The following THSD7A variants were observed in gnomAD, a reference collection of about 807,000 sequenced individuals.
The protein encoded by THSD7A is thrombospondin type 1 domain containing 7A.
Under a neutral mutation model 231.3 loss-of-function variants are expected in THSD7A, and 96 were observed. The ratio of observed to expected loss-of-function variants is 0.41; its 90% CI spans 0.35 to 0.49. The LOEUF (loss-of-function observed/expected upper bound fraction) is 0.49, where lower values mean the gene tolerates loss of function less well. Among genes scored for constraint, THSD7A ranks in the 20% least tolerant of loss-of-function variants. The pLI, the probability that THSD7A is intolerant of heterozygous loss-of-function variation, is 0.05. For missense variants in THSD7A, 2,290 were observed against 2,070.2 expected (o/e 1.11, Z -2.06); for synonymous variants, 940 against 743.3 (o/e 1.26, Z -4.30).
At position 11,417,553 on chromosome 7, in the gene THSD7A, A is replaced by G. The variant is rs1028321158; in HGVS notation, c.3434T>C (p.Leu1145Pro). Residue 1145 changes from leucine (L) to proline (P), a missense_variant, in exon 17 of 28, where the codon CTC becomes CCC. By Grantham distance (98) the Leu-to-Pro change is moderately conservative. Transcript: ENST00000423059. ...CAGGGGCATCTCTTCTGGGTCACAG[A>G]GGTAATCCTCTACATGTTCAGAAGG... Reference protein sequence around the residue: ...DGPSEHVEDYLCDPEEMPLGS... With the variant: ...DGPSEHVEDYPCDPEEMPLGS... 21 of 1,613,792 alleles carry G rather than the reference A, an allele frequency of 1.3e-5. No individual in the cohort carries two copies. The highest frequency in any genetic ancestry group is 1.8e-5 in the Non-Finnish European group (21 of 1,179,786).
chr7:11,564,317 G>C (rs1311238714), intron 4 of THSD7A, among the ~76,000 whole-genome samples: 1 of 152,226 alleles, frequency 6.6e-6, no homozygotes, highest in Non-Finnish European at 1.5e-5. Flanking sequence ...TGTTGTAACA[G>C]ATAGGGACAG....
intron 1 of THSD7A, among the ~76,000 whole-genome samples, chr7:11,797,216 G>A (rs1328560557): frequency 6.6e-6 from 1 of 151,904 alleles, no homozygotes. Flanking sequence ...ACAAAAGTTT[G>A]CTTTCAAATT....
chr7:11,730,467 G>A (rs570932336), intron 1 of THSD7A, among the ~76,000 whole-genome samples: 6 of 151,350 alleles, frequency 4.0e-5, no homozygotes, highest in African/African-American at 7.2e-5. Flanking sequence ...CAGTTAAAGC[G>A]TTATTTACGT....
chr7:11,792,993 G>A (rs4719286), intron 1 of THSD7A, among the ~76,000 whole-genome samples: 127,420 of 151,908 alleles, frequency 0.84, 53,969 homozygotes, highest in African/African-American at 0.96. Context: ...CATTATACCT[G>A]TGGATAAATT....
At chr7:11,445,929 T>C in intron 13 of THSD7A, 132 bp downstream of exon 13, 1 of 1,097,984 alleles carries the variant, frequency 9.1e-7, no homozygotes, top group Non-Finnish European at 1.3e-6. Flanking sequence ...GATATATGTA[T>C]AGTGTGGTGC....
chr7:11,682,793 A>G (rs1460825601), intron 1 of THSD7A, among the ~76,000 whole-genome samples: 1 of 151,950 alleles, frequency 6.6e-6, no homozygotes, highest in Non-Finnish European at 1.5e-5. Context: ...ACTCACAACC[A>G]CAGAATATAC....
chr7:11,816,631 G>C (rs1423668126), intron 1 of THSD7A, among the ~76,000 whole-genome samples: 1 of 152,096 alleles, frequency 6.6e-6, no homozygotes, highest in African/African-American at 2.4e-5. Context: ...AGTAATGCAA[G>C]GACTTTTATA....
At chr7:11,541,679 G>T (rs763633203) in intron 5 of THSD7A, 48 bp from the exon 6 acceptor site, 2 of 1,541,594 alleles carry the variant, frequency 1.3e-6, no homozygotes, top group East Asian at 4.5e-5. Flanking sequence ...CAAAGGTTTA[G>T]TATTTCAGAA....
intron 1 of THSD7A, among the ~76,000 whole-genome samples, chr7:11,795,308 T>C (rs1474270881): frequency 1.3e-5 from 2 of 151,828 alleles, no homozygotes; most frequent in Non-Finnish European, 2.9e-5. Flanking sequence ...AAAATAATAT[T>C]AAAATATAAA....
At chr7:11,605,859 G>T (rs1464252221) in intron 2 of THSD7A, among the ~76,000 whole-genome samples, 1 of 152,050 alleles carries the variant, frequency 6.6e-6, no homozygotes, top group Non-Finnish European at 1.5e-5. Flanking sequence ...TGTTGCTGCT[G>T]GCACACACTG....
intron 23 of THSD7A, among the ~76,000 whole-genome samples, chr7:11,398,390 GT>G (rs1022724371): frequency 6.6e-6 from 1 of 152,032 alleles, no homozygotes; most frequent in African/African-American, 2.4e-5. Flanking sequence ...CTGTCGAGGG[GT>G]AGGGGCTAGG....
At chr7:11,412,287 A>G (rs1233120435) in intron 18 of THSD7A, among the ~76,000 whole-genome samples, 14 of 152,302 alleles carry the variant, frequency 9.2e-5, no homozygotes, top group African/African-American at 3.4e-4. Flanking sequence ...TTGCCCCAGT[A>G]TGTTTTAGCA....
intron 1 of THSD7A, among the ~76,000 whole-genome samples, chr7:11,710,213 C>G (rs558599729): frequency 6.7e-6 from 1 of 149,208 alleles, no homozygotes; most frequent in South Asian, 2.1e-4. Context: ...GCTTGTGGGC[C>G]AGGGAAAAAG....
At chr7:11,767,769 C>G (rs1044561890) in intron 1 of THSD7A, among the ~76,000 whole-genome samples, 1 of 152,044 alleles carries the variant, frequency 6.6e-6, no homozygotes, top group Non-Finnish European at 1.5e-5. Context: ...CTCCTTGTAG[C>G]CAGAAAATGA....
In THSD7A at chr7:11,636,111, AC is replaced by A; in HGVS notation, c.1022+18del. The stretch of plus-strand genomic sequence containing the variant: ...CTTGACAGACAAGCCTGTGTAGTTA[AC>A]AGTAATTAAAATGTTACCTTAAATC... On this transcript the variant is annotated intron_variant, in intron 2 of 27. Transcript: ENST00000423059. The surrounding 1 kb of genome is among the most constrained non-coding windows in gnomAD (Gnocchi z 10.0). 1 of 1,591,108 alleles carries A rather than the reference AC, an allele frequency of 6.3e-7. No individual in the cohort carries two copies. Among genetic ancestry groups the A allele is most frequent in the Non-Finnish European group, 8.6e-7 (1 of 1,166,404 alleles).
intron 6 of THSD7A, among the ~76,000 whole-genome samples, chr7:11,515,426 G>C (rs1378043995): frequency 6.6e-6 from 1 of 151,916 alleles, no homozygotes; most frequent in Admixed American, 6.6e-5. Flanking sequence ...CCTACCTTTT[G>C]GCTGAAAGAA....
rs974438656 is a variant in THSD7A at position 11,411,110 on chromosome 7, C to A, written c.3798+97G>T. 17 of 813,556 alleles carry A rather than the reference C, an allele frequency of 2.1e-5. No homozygotes were observed. In the East Asian group the frequency reaches 4.4e-4, roughly 21 times the overall value. 50.4% of individuals were successfully genotyped at this position (813,556 alleles called of 1,614,324 possible). On this transcript the variant is annotated intron_variant, in intron 19 of 27. Coordinates refer to ENST00000423059, the MANE Select transcript of THSD7A (RefSeq NM_015204.3). The surrounding 1 kb of genome is among the most constrained non-coding windows in gnomAD (Gnocchi z 4.1). ...AACAGTGCAGAAAAACATCTGCTGG[C>A]AATGAGCTGCATGGAGCACGGGTCA...
intron 4 of THSD7A, among the ~76,000 whole-genome samples, chr7:11,563,932 T>G (rs1790187284): frequency 6.6e-6 from 1 of 152,146 alleles, no homozygotes; most frequent in South Asian, 2.1e-4. Flanking sequence ...ACAAATCATA[T>G]TTTTAAAAAG....
Position 11,787,517 on chromosome 7 carries a change from G to A in THSD7A, c.190+44240C>T, listed in dbSNP as rs969646605. ...TTTTCAAAAGATACAACTGATAAAT[G>A]ACTGTTATCCAAAATATACAAAGAA... On this transcript the variant is annotated intron_variant, in intron 1 of 27. Coordinates refer to ENST00000423059, the MANE Select transcript of THSD7A (RefSeq NM_015204.3). 4.6e-5 allele frequency among the ~76,000 whole-genome samples: 7 copies of A among 152,108 alleles called. No homozygotes were observed. In the South Asian group the frequency reaches 1.2e-3, roughly 27 times the overall value.
Sources: allele counts gnomAD v4.1 joint callset (sites outside exome capture counted in the v4.1 genomes callset), GRCh38; gene constraint gnomAD v4.1.1; non-coding constraint Gnocchi (gnomAD v3.1); transcripts MANE v1.5; gene names NCBI Gene and HGNC (gene_info 2026-07-23, HGNC 2026-07-21).